The following ATRNL1 variants were observed in gnomAD, a reference collection of about 807,000 sequenced individuals.
ATRNL1 encodes the protein attractin like 1.
In ATRNL1, 95 loss-of-function variants were observed where a neutral mutation model predicts 182.7. The observed-to-expected ratio is 0.52, with a 90% CI of 0.44 to 0.62. The LOEUF (loss-of-function observed/expected upper bound fraction) is 0.62, where lower values mean the gene tolerates loss of function less well. Among genes scored for constraint, ATRNL1 ranks in the 20% least tolerant of loss-of-function variants. ATRNL1 has a pLI of 0.00. For synonymous variants in ATRNL1, 576 were observed against 568.3 expected, an observed-to-expected ratio of 1.01 and a Z score of -0.19; for missense variants, 1,471 against 1,679.5, an observed-to-expected ratio of 0.88 and a Z score of 2.17.
intron 26 of ATRNL1, among the ~76,000 whole-genome samples, chr10:115,553,401 C>A (rs1853114891): frequency 6.6e-6 from 1 of 151,218 alleles, no homozygotes. Context: ...ATTTTTAATT[C>A]TTGTAAATTT....
chr10:115,429,795 C>T (rs1406753124), intron 21 of ATRNL1, among the ~76,000 whole-genome samples: 1 of 152,116 alleles, frequency 6.6e-6, no homozygotes, highest in Non-Finnish European at 1.5e-5. Flanking sequence ...TGGCCGGGCG[C>T]TGTGGCTCAC....
At position 115,281,386 on chromosome 10, in the gene ATRNL1, G is replaced by T. The variant is rs1852354298; in HGVS notation, c.2132G>T (p.Arg711Ile). Residue 711 changes from arginine (R) to isoleucine (I), a missense_variant, in exon 14 of 29, where the codon AGA (arginine) becomes ATA (isoleucine). Physicochemically the swap from Arg to Ile is moderately conservative, Grantham distance 97. Coordinates refer to ENST00000355044, the MANE Select transcript of ATRNL1 (RefSeq NM_207303.4). ...SVKNYTKCHV[R>I]NEQICNKLTS... ...AAGAACTACACCAAATGTCATGTGA[G>T]AAATGAGCAGATTTGTAACAAACTT... 6.2e-7 allele frequency: 1 copy of T among 1,613,030 alleles called. No individual in the cohort carries two copies. The highest frequency in any genetic ancestry group is 1.1e-5 in the South Asian group (1 of 90,968).
At chr10:115,223,670 T>C (rs1402906575) in intron 9 of ATRNL1, among the ~76,000 whole-genome samples, 1 of 151,760 alleles carries the variant, frequency 6.6e-6, no homozygotes, top group African/African-American at 2.4e-5. Context: ...AATTGAAGCA[T>C]ATACATGGTT....
intron 26 of ATRNL1, among the ~76,000 whole-genome samples, chr10:115,719,736 G>C (rs1308769102): frequency 1.3e-5 from 2 of 151,804 alleles, no homozygotes; most frequent in Non-Finnish European, 2.9e-5. Flanking sequence ...ATTTTACCAA[G>C]GTCTATCCAG....
At chr10:115,527,511 T>G (rs1333849137) in intron 25 of ATRNL1, among the ~76,000 whole-genome samples, 3 of 152,120 alleles carry the variant, frequency 2.0e-5, no homozygotes, top group Admixed American at 6.5e-5. Flanking sequence ...AAAAATGATT[T>G]TGGTAATGTG....
chr10:115,718,562 G>T lies in ATRNL1; in HGVS notation c.3796-8686G>T, dbSNP rs1947325127. ...AAAAGATAGCCTGTATCAAGCCATAGCACAGTTTTTAAGACTCTCCTAGAT... is the reference window on the plus strand; with the variant it reads ...AAAAGATAGCCTGTATCAAGCCATATCACAGTTTTTAAGACTCTCCTAGAT... On this transcript the variant is annotated intron_variant, in intron 26 of 28. Transcript: ENST00000355044. Among the ~76,000 whole-genome samples the T allele has an allele frequency of 2.6e-5, 4 of 152,164 alleles. No individual in the cohort carries two copies. In the South Asian group the frequency reaches 8.3e-4, roughly 32 times the overall value.
intron 8 of ATRNL1, 151 bp downstream of exon 8, chr10:115,171,443 TTA>T (rs1339717000): frequency 3.8e-5 from 25 of 653,626 alleles, no homozygotes; most frequent in East Asian, 6.5e-5. Flanking sequence ...GCTTTTTTGA[TTA>T]TGTTAGATTT....
At chr10:115,891,836 AT>A (rs1444255406) in intron 28 of ATRNL1, among the ~76,000 whole-genome samples, 3 of 152,122 alleles carry the variant, frequency 2.0e-5, no homozygotes, top group Middle Eastern at 3.4e-3. Context: ...AATAAGACTG[AT>A]TTTTTTTGTT....
intron 9 of ATRNL1, among the ~76,000 whole-genome samples, chr10:115,222,290 CA>C (rs1472949114): frequency 2.6e-5 from 4 of 151,656 alleles, no homozygotes; most frequent in Admixed American, 2.6e-4. Context: ...AAATGATGAC[CA>C]AAAAAGGACA....
chr10:115,353,909 G>C (rs1856384247), intron 19 of ATRNL1, among the ~76,000 whole-genome samples: 1 of 151,988 alleles, frequency 6.6e-6, no homozygotes, highest in Admixed American at 6.6e-5. Flanking sequence ...TTGACTTTTT[G>C]TTGTCTCTAT....
chr10:115,514,940 C>T (rs1295397385), intron 24 of ATRNL1, among the ~76,000 whole-genome samples: 4 of 151,804 alleles, frequency 2.6e-5, no homozygotes, highest in Admixed American at 6.6e-5. Flanking sequence ...TGCTTAATTT[C>T]GATTTTCACT....
At position 115,633,381 on chromosome 10, in the gene ATRNL1, G is replaced by T. The variant is rs527992359; in HGVS notation, c.3795+83845G>T. 2.6e-3 allele frequency among the ~76,000 whole-genome samples: 397 copies of T among 152,246 alleles called. 1 individual carries two copies. Among genetic ancestry groups the T allele is most frequent in the African/African-American group, 9.0e-3 (373 of 41,548 alleles). On this transcript the variant is annotated intron_variant, in intron 26 of 28. Transcript: ENST00000355044. The stretch of plus-strand genomic sequence containing the variant: ...TGTAAGTTTGTACATTTGATTGTTT[G>T]GGACTTGTCTTGGACAGTTTCTTAC...
chr10:115,405,499 T>G (rs549750105), intron 20 of ATRNL1, among the ~76,000 whole-genome samples: 61 of 152,308 alleles, frequency 4.0e-4, no homozygotes, highest in African/African-American at 1.4e-3. Context: ...CTTTTTTGTC[T>G]TGTTTTGGCA....
intron 19 of ATRNL1, among the ~76,000 whole-genome samples, chr10:115,354,881 T>C (rs1406990893): frequency 6.6e-6 from 1 of 152,140 alleles, no homozygotes; most frequent in African/African-American, 2.4e-5. Flanking sequence ...TTCTTTTTTA[T>C]TCTTTTAAAT....
intron 26 of ATRNL1, among the ~76,000 whole-genome samples, chr10:115,571,395 T>A (rs1415350848): frequency 1.3e-5 from 2 of 152,186 alleles, no homozygotes; most frequent in African/African-American, 4.8e-5. Flanking sequence ...GTTAGGTCAT[T>A]CCAACACTAT....
At chr10:115,842,952 G>A (rs1950844058) in intron 27 of ATRNL1, among the ~76,000 whole-genome samples, 1 of 151,938 alleles carries the variant, frequency 6.6e-6, no homozygotes, top group Non-Finnish European at 1.5e-5. Flanking sequence ...ATAGCACTTG[G>A]CATCTAGTAA....
At chr10:115,820,204 C>T (rs1950259567) in intron 27 of ATRNL1, 1 of 152,152 alleles carries the variant, frequency 6.6e-6, no homozygotes, top group South Asian at 2.1e-4. Context: ...TTTATTGGAA[C>T]ATGATATTCA....
chr10:115,627,627 A>G (rs1048618912), intron 26 of ATRNL1, among the ~76,000 whole-genome samples: 6 of 152,142 alleles, frequency 3.9e-5, no homozygotes, highest in Middle Eastern at 3.4e-3. Flanking sequence ...GAGCCTCCCA[A>G]AGTGTTGGGA....
At chr10:115,857,724 A>G (rs1555102451) in intron 28 of ATRNL1, among the ~76,000 whole-genome samples, 3 of 152,226 alleles carry the variant, frequency 2.0e-5, no homozygotes, top group African/African-American at 7.2e-5. Flanking sequence ...GAATAGTGAA[A>G]ATGGCTAATT....
Sources: gnomAD v4.1 joint callset for allele counts (sites outside exome capture counted in the v4.1 genomes callset) on GRCh38, gnomAD v4.1.1 for gene constraint, MANE v1.5 for transcripts, NCBI Gene and HGNC (gene_info 2026-07-23, HGNC 2026-07-21) for gene names.